Variants in ECE1 observed in about 807,000 individuals in gnomAD.
ECE1 encodes endothelin converting enzyme 1.
A neutral mutation model predicts 98.6 loss-of-function variants in ECE1; 35 were observed. The observed-to-expected ratio is 0.35, with a 90% CI of 0.27 to 0.47. ECE1 has a LOEUF of 0.47. Ranked by LOEUF, ECE1 falls within the 20% of genes least tolerant of loss-of-function variation. The probability of loss-of-function intolerance (pLI) is 1.00; values close to 1 mark genes in which losing one functional copy is unlikely to be tolerated. For missense variants in ECE1, 814 were observed against 1,025.3 expected (o/e 0.79, Z 2.81); for synonymous variants, 394 against 407.1 (o/e 0.97, Z 0.39).
intron 8 of ECE1, among the ~76,000 whole-genome samples, chr1:21,252,742 A>G (rs1244333827): frequency 1.3e-5 from 2 of 152,256 alleles, no homozygotes. Flanking sequence ...AGTTACCTGG[A>G]GTATGGGAAG....
intron 1 of ECE1, among the ~76,000 whole-genome samples, chr1:21,332,959 G>C (rs1191640625): frequency 6.6e-6 from 1 of 152,068 alleles, no homozygotes; most frequent in Non-Finnish European, 1.5e-5. Flanking sequence ...TTGGAGTCTA[G>C]CACCAGATAT....
chr1:21,331,173 C>T (rs991870157), intron 1 of ECE1, among the ~76,000 whole-genome samples: 2 of 152,052 alleles, frequency 1.3e-5, no homozygotes, highest in African/African-American at 2.4e-5. Flanking sequence ...GAGGCCGAGG[C>T]GGGTGGATCA....
chr1:21,224,704 G>A (rs929415510), intron 17 of ECE1, among the ~76,000 whole-genome samples: 1 of 152,214 alleles, frequency 6.6e-6, no homozygotes, highest in African/African-American at 2.4e-5. Flanking sequence ...ATCTGACTCC[G>A]CGAGCATCTC....
intron 1 of ECE1, among the ~76,000 whole-genome samples, chr1:21,324,093 A>T (rs1639022879): frequency 6.6e-6 from 1 of 152,108 alleles, no homozygotes; most frequent in African/African-American, 2.4e-5. Flanking sequence ...AAGTGCTGGG[A>T]TTACAGGCAT....
In ECE1 at chr1:21,326,066, G is replaced by C. The variant is rs1419452811; in HGVS notation, c.3+19310C>G. Among the ~76,000 whole-genome samples, 3 of 152,160 alleles carry C rather than the reference G, an allele frequency of 2.0e-5. No homozygotes were observed. The East Asian group carries it at 5.8e-4, about 29-fold the overall frequency. On this transcript the variant is annotated intron_variant, in intron 1 of 18. Transcript: ENST00000415912. The stretch of plus-strand genomic sequence containing the variant: ...CCTCACCTGGACCCAGTGGGGTGTG[G>C]GGACCAGGGGGCTGGGCCTGGACCT...
At chr1:21,279,542 A>G in intron 2 of ECE1, 2 of 1,452,336 alleles carry the variant, frequency 1.4e-6, no homozygotes, top group South Asian at 2.9e-5. Flanking sequence ...CCCAAACATC[A>G]GAGAGTCAAG....
chr1:21,257,785 G>C (rs1008961849), intron 6 of ECE1, among the ~76,000 whole-genome samples, 195 bp from the exon 7 acceptor site: 10 of 150,470 alleles, frequency 6.6e-5, no homozygotes, highest in Middle Eastern at 3.4e-3. Context: ...TGTCCACGTG[G>C]CCCCCCCCCG....
chr1:21,249,988 A>G (rs1386484745), intron 8 of ECE1, among the ~76,000 whole-genome samples: 3 of 147,968 alleles, frequency 2.0e-5, no homozygotes, highest in Non-Finnish European at 1.5e-5. Flanking sequence ...CATATTGGTC[A>G]GACTGGTCTC....
intron 10 of ECE1, 22 bp from the exon 11 acceptor site, chr1:21,238,266 G>T (rs367733170): frequency 3.1e-6 from 5 of 1,587,840 alleles, no homozygotes; most frequent in African/African-American, 1.3e-5. Context: ...AAGTCAGGGG[G>T]CTCGCTGGGC....
intron 2 of ECE1, among the ~76,000 whole-genome samples, chr1:21,281,711 G>C (rs981016228): frequency 1.3e-5 from 2 of 152,164 alleles, no homozygotes; most frequent in Non-Finnish European, 1.5e-5. Flanking sequence ...GTTTTGTTTT[G>C]TTTGAGATGG....
chr1:21,237,691 G>A (rs536946210), intron 11 of ECE1, among the ~76,000 whole-genome samples: 1 of 152,286 alleles, frequency 6.6e-6, no homozygotes, highest in Admixed American at 6.5e-5. Context: ...CAGGCCACCC[G>A]ACCAGCGGTG....
rs888040237 is a variant in ECE1 at position 21,345,426 on chromosome 1, C to T, written c.-48G>A. Reference sequence around the variant, plus strand: ...TTCGCGCAGCTCCCCGCGCCCGGCTCCCGATTCCCAGCTCCGGGTTCCCTG... The same window carrying T: ...TTCGCGCAGCTCCCCGCGCCCGGCTTCCGATTCCCAGCTCCGGGTTCCCTG... On this transcript the variant is annotated 5_prime_UTR_variant, in exon 1 of 19. Transcript: ENST00000415912. This position sits in a 1 kb window ranked among gnomAD's most constrained non-coding sequence, Gnocchi z 5.1. The T allele has an allele frequency of 2.7e-5, 35 of 1,313,344 alleles. No individual in the cohort carries two copies. Among genetic ancestry groups the T allele is most frequent in the African/African-American group, 7.6e-5 (5 of 65,962 alleles). The allele number at this position is 1,313,344 out of a possible 1,614,324, so 81.4% of individuals were successfully genotyped here. A position where few individuals can be genotyped will look rare whatever the true frequency, so the allele number is the denominator to read the frequency against.
intron 10 of ECE1, among the ~76,000 whole-genome samples, chr1:21,243,330 A>C (rs1303445873): frequency 1.3e-5 from 2 of 152,088 alleles, no homozygotes; most frequent in Non-Finnish European, 2.9e-5. Context: ...CAAAGTTGTA[A>C]ATATCAGATC....
At chr1:21,247,151 C>T in intron 9 of ECE1, 70 bp downstream of exon 9, 2 of 1,610,086 alleles carry the variant, frequency 1.2e-6, no homozygotes, top group South Asian at 1.1e-5. Flanking sequence ...TCATCCCCAC[C>T]CCTGCCCACC....
chr1:21,313,097 A>G (rs1638762770), intron 1 of ECE1, among the ~76,000 whole-genome samples: 1 of 151,884 alleles, frequency 6.6e-6, no homozygotes. Flanking sequence ...TATTGTTTCC[A>G]CTCTGCCCTC....
intron 1 of ECE1, among the ~76,000 whole-genome samples, chr1:21,335,211 A>T (rs1639283239): frequency 6.9e-6 from 1 of 145,782 alleles, no homozygotes; most frequent in Non-Finnish European, 1.5e-5. Context: ...CTCAACCTTC[A>T]TGTCCCAGCT....
At position 21,264,318 on chromosome 1, in the gene ECE1, C is replaced by A. The variant is rs2982242; in HGVS notation, c.494-3926G>T. On this transcript the variant is annotated intron_variant, in intron 4 of 18. Coordinates refer to ENST00000374893, the MANE Select transcript of ECE1 (RefSeq NM_001397.3). ...ACTGGAATATACCAATTCCCCCCCC[C>A]CCTTTTTTTTTTTTGACACTGAGTC... Among the ~76,000 whole-genome samples, 13 of 141,838 alleles carry A rather than the reference C, an allele frequency of 9.2e-5. No individual in the cohort carries two copies. The East Asian group carries it at 1.4e-3, about 16-fold the overall frequency. The allele number at this position is 141,838 out of a possible 152,430, so 93.1% of individuals were successfully genotyped here.
chr1:21,226,598 T>TA (rs1417915794), intron 16 of ECE1, among the ~76,000 whole-genome samples: 1 of 152,190 alleles, frequency 6.6e-6, no homozygotes, highest in Non-Finnish European at 1.5e-5. Flanking sequence ...ATCATAATCA[T>TA]AGTTCACTGT....
rs1352294824 is a variant in ECE1 at position 21,286,924 on chromosome 1, GA to G, written c.138+3145del. Among the ~76,000 whole-genome samples, 98 of 122,578 alleles carry G rather than the reference GA, an allele frequency of 8.0e-4. 1 individual carries two copies. Among genetic ancestry groups the G allele is most frequent in the South Asian group, 1.3e-3 (5 of 3,888 alleles). 80.4% of individuals were successfully genotyped at this position (122,578 alleles called of 152,430 possible). ...GAGTGAGACCTTGTCTCAAAAAAAA[GA>G]AAAAAAAAAAAGAAAAAGAAAAACC... On this transcript the variant is annotated intron_variant, in intron 2 of 18. Transcript: ENST00000374893.
Sources: gnomAD v4.1 joint callset for allele counts (sites outside exome capture counted in the v4.1 genomes callset) on GRCh38, gnomAD v4.1.1 for gene constraint, Gnocchi (gnomAD v3.1) non-coding constraint, MANE v1.5 for transcripts, NCBI Gene and HGNC (gene_info 2026-07-23, HGNC 2026-07-21) for gene names.